Variants in OXR1 observed in about 807,000 individuals in gnomAD.
The protein encoded by OXR1 is oxidation resistance 1.
A neutral mutation model predicts 104.6 loss-of-function variants in OXR1; 41 were observed. The ratio of observed to expected loss-of-function variants is 0.39; its 90% CI spans 0.31 to 0.51. The LOEUF (loss-of-function observed/expected upper bound fraction) is 0.51. OXR1 is among the 20% of genes least tolerant of loss of function. The pLI is 0.77. For synonymous variants in OXR1, 348 were observed against 348.4 expected, an observed-to-expected ratio of 1.00 and a Z score of 0.01; for missense variants, 955 against 1,031.9, an observed-to-expected ratio of 0.93 and a Z score of 1.02.
At position 106,710,611 on chromosome 8, in the gene OXR1, C is replaced by T; in HGVS notation, c.1625-11C>T. On this transcript the variant is annotated splice_polypyrimidine_tract_variant and intron_variant, in intron 9 of 16. Coordinates refer to ENST00000517566, the MANE Select transcript of OXR1 (RefSeq NM_001198533.2). ...AGAATTGAATAAACACTGTTTGCAT[C>T]TCAATTCTAGGTTCTGCACTTTTAA... 1 of 1,542,392 alleles carries T rather than the reference C, an allele frequency of 6.5e-7. No homozygotes were observed. The highest frequency in any genetic ancestry group is 2.3e-5 in the East Asian group (1 of 42,768).
chr8:106,590,389 G>A (rs556656905), intron 3 of OXR1, among the ~76,000 whole-genome samples: 1 of 152,310 alleles, frequency 6.6e-6, no homozygotes, highest in South Asian at 2.1e-4. Context: ...CTGGGTTCAA[G>A]CGATTTTCCT....
intron 1 of OXR1, among the ~76,000 whole-genome samples, chr8:106,281,979 T>C (rs1240833064): frequency 1.3e-5 from 2 of 152,162 alleles, no homozygotes; most frequent in Non-Finnish European, 2.9e-5. Flanking sequence ...CTGATTTATA[T>C]GCTATATTCT....
At chr8:106,749,455 TTA>T (rs1835692546) in intron 16 of OXR1, among the ~76,000 whole-genome samples, 1 of 152,148 alleles carries the variant, frequency 6.6e-6, no homozygotes, top group Non-Finnish European at 1.5e-5. Context: ...GCCACCCAAA[TTA>T]TAGAGTTGTG....
At chr8:106,647,950 A>C (rs1261800788) in intron 3 of OXR1, among the ~76,000 whole-genome samples, 1 of 152,156 alleles carries the variant, frequency 6.6e-6, no homozygotes, top group African/African-American at 2.4e-5. Flanking sequence ...CACTTTTACC[A>C]TTTTGCTTAA....
intron 2 of OXR1, among the ~76,000 whole-genome samples, chr8:106,378,369 A>G (rs532046570): frequency 6.6e-6 from 1 of 152,254 alleles, no homozygotes; most frequent in South Asian, 2.1e-4. Flanking sequence ...AGGAACTGGA[A>G]ACCCATTAAG....
intron 9 of OXR1, among the ~76,000 whole-genome samples, chr8:106,710,168 T>TA (rs1465604815): frequency 2.0e-5 from 3 of 152,158 alleles, no homozygotes; most frequent in Non-Finnish European, 4.4e-5. Flanking sequence ...TGTATACATG[T>TA]AAAAGCATTA....
chr8:106,296,391 T>C lies in OXR1; in HGVS notation c.-139+26024T>C, dbSNP rs547682493. Among the ~76,000 whole-genome samples the C allele has an allele frequency of 3.9e-5, 6 of 152,314 alleles. 1 individual carries two copies. The South Asian group carries it at 8.3e-4, about 21-fold the overall frequency. On this transcript the variant is annotated intron_variant, in intron 1 of 16. Transcript: ENST00000517566. ...CTAATAATGATATTAGTAATATGTA[T>C]TGAGGGCTAAAAATAGGTGAGTTCC... is the stretch of plus-strand genomic sequence containing the variant.
chr8:106,367,295 CCTCGTGATCTG>C (rs1459410582), intron 2 of OXR1, among the ~76,000 whole-genome samples: 1 of 151,964 alleles, frequency 6.6e-6, no homozygotes, highest in Non-Finnish European at 1.5e-5. Context: ...GATCTCCTGA[CCTCGTGATCTG>C]CCCGCCTTGG....
At chr8:106,590,170 G>C (rs911361809) in intron 3 of OXR1, among the ~76,000 whole-genome samples, 3 of 152,192 alleles carry the variant, frequency 2.0e-5, no homozygotes, top group African/African-American at 7.2e-5. Flanking sequence ...GATTTCTTCA[G>C]CAAAATAGAT....
rs1031972499 is a variant in OXR1 at position 106,395,101 on chromosome 8, G to A, written c.23+35465G>A. ...AAAAACAAAAGGAACTGTGCATAGC[G>A]ATACCTTCTGGCAGTTCTGAAACCA... On this transcript the variant is annotated intron_variant, in intron 2 of 16. Coordinates refer to ENST00000517566, the MANE Select transcript of OXR1 (RefSeq NM_001198533.2). 6.6e-5 allele frequency among the ~76,000 whole-genome samples: 10 copies of A among 152,182 alleles called. 1 individual carries two copies. Among genetic ancestry groups the A allele is most frequent in the African/African-American group, 1.9e-4 (8 of 41,536 alleles).
chr8:106,295,654 C>A (rs569592594), intron 1 of OXR1, among the ~76,000 whole-genome samples: 1 of 152,144 alleles, frequency 6.6e-6, no homozygotes, highest in East Asian at 1.9e-4. Flanking sequence ...TACAAGCTGA[C>A]CAGTTACCAT....
intron 1 of OXR1, among the ~76,000 whole-genome samples, chr8:106,304,934 A>AT (rs1281253038): frequency 6.6e-6 from 1 of 152,164 alleles, no homozygotes; most frequent in African/African-American, 2.4e-5. Flanking sequence ...AGAAGTCCAC[A>AT]TGCCTAGTTT....
At chr8:106,695,312 C>G (rs1829898413) in intron 7 of OXR1, among the ~76,000 whole-genome samples, 1 of 151,710 alleles carries the variant, frequency 6.6e-6, no homozygotes, top group Non-Finnish European at 1.5e-5. Context: ...AAATTTCTTA[C>G]AGTGTAGGTC....
chr8:106,650,635 C>T (rs1403389079), intron 3 of OXR1, among the ~76,000 whole-genome samples: 4 of 152,128 alleles, frequency 2.6e-5, no homozygotes, highest in Non-Finnish European at 2.9e-5. Flanking sequence ...GCATATTATA[C>T]ACACAGTGAA....
chr8:106,537,944 C>T (rs941690813), intron 3 of OXR1, among the ~76,000 whole-genome samples: 9 of 152,190 alleles, frequency 5.9e-5, no homozygotes, highest in Non-Finnish European at 2.9e-5. Context: ...CCCACCTCCT[C>T]TATCTGTGAC....
At chr8:106,725,218 CTG>C (rs1833213117) in intron 11 of OXR1, among the ~76,000 whole-genome samples, 1 of 151,638 alleles carries the variant, frequency 6.6e-6, no homozygotes, top group Non-Finnish European at 1.5e-5. Context: ...GTGCTGTGCC[CTG>C]TGTGAGTGCA....
At chr8:106,310,487 TC>T in intron 1 of OXR1, among the ~76,000 whole-genome samples, 1 of 152,304 alleles carries the variant, frequency 6.6e-6, no homozygotes. Flanking sequence ...TTTGCTTTTC[TC>T]CTGTCTTGGA....
chr8:106,574,232 C>T (rs962911292), intron 3 of OXR1, among the ~76,000 whole-genome samples: 2 of 152,170 alleles, frequency 1.3e-5, no homozygotes, highest in African/African-American at 4.8e-5. Context: ...TTTTGTCTCA[C>T]ACAACAGTCT....
Position 106,606,481 on chromosome 8 carries a change from T to TG in OXR1, c.221-72729_221-72728insG, listed in dbSNP as rs1820405434. On this transcript the variant is annotated intron_variant, in intron 3 of 16. Transcript: ENST00000517566. ...ATGCCTGGCTAATTTTTTTTTTTTT[T>TG]TTGTATTTTTACTAGAAACAGGGTT... 1.2e-4 allele frequency among the ~76,000 whole-genome samples: 18 copies of TG among 150,978 alleles called. 1 individual carries two copies. In the South Asian group the frequency reaches 3.8e-3, roughly 32 times the overall value.
Sources: allele counts gnomAD v4.1 joint callset (sites outside exome capture counted in the v4.1 genomes callset), GRCh38; gene constraint gnomAD v4.1.1; transcripts MANE v1.5; gene names NCBI Gene and HGNC (gene_info 2026-07-23, HGNC 2026-07-21).